Variants in ROBO2 observed in about 807,000 individuals in gnomAD.
ROBO2 encodes the protein roundabout guidance receptor 2.
A neutral mutation model predicts 160.8 loss-of-function variants in ROBO2; 53 were observed. The ratio of observed to expected loss-of-function variants is 0.33; its 90% CI spans 0.26 to 0.41. ROBO2 has a LOEUF of 0.41. ROBO2 is among the 10% of genes least tolerant of loss of function. The probability of loss-of-function intolerance (pLI) is 1.00; values close to 1 mark genes in which losing one functional copy is unlikely to be tolerated. For missense variants in ROBO2, 1,577 were observed against 1,722.4 expected, an observed-to-expected ratio of 0.92 and a Z score of 1.49; for synonymous variants, 664 against 611.7, an observed-to-expected ratio of 1.09 and a Z score of -1.26.
intron 2 of ROBO2, among the ~76,000 whole-genome samples, chr3:77,227,325 T>G (rs1029125107): frequency 1.3e-5 from 2 of 152,152 alleles, no homozygotes; most frequent in Non-Finnish European, 2.9e-5. Context: ...TATACAACTT[T>G]TTCATTTTGC....
chr3:76,658,344 T>TA (rs2091667953), intron 2 of ROBO2, among the ~76,000 whole-genome samples: 1 of 152,154 alleles, frequency 6.6e-6, no homozygotes, highest in South Asian at 2.1e-4. Flanking sequence ...TGCCTTTTTT[T>TA]TTATTATTAT....
exon 3 of ROBO2, chr3:77,477,457 G>A (rs1450904063): frequency 1.9e-6 from 3 of 1,613,764 alleles, no homozygotes; most frequent in Admixed American, 1.7e-5. Flanking sequence ...ATGTTGTAGT[G>A]GCAGCTGGAG....
At chr3:76,707,910 C>T (rs183562097) in intron 2 of ROBO2, among the ~76,000 whole-genome samples, 17 of 152,028 alleles carry the variant, frequency 1.1e-4, no homozygotes, top group Admixed American at 3.9e-4. Context: ...TCCAAAATTA[C>T]GAATCTTGAA....
intron 1 of ROBO2, among the ~76,000 whole-genome samples, chr3:77,087,236 G>A (rs1032370551): frequency 3.3e-5 from 5 of 151,952 alleles, no homozygotes; most frequent in African/African-American, 1.2e-4. Flanking sequence ...AAATGTCAAT[G>A]GTTTTTAGAA....
chr3:77,014,591 C>T (rs2062122609), intron 2 of ROBO2, among the ~76,000 whole-genome samples: 1 of 152,178 alleles, frequency 6.6e-6, no homozygotes, highest in African/African-American at 2.4e-5. Flanking sequence ...TCTCCTGCAG[C>T]TCTATTTAAA....
intron 2 of ROBO2, among the ~76,000 whole-genome samples, chr3:76,302,595 A>G (rs1473519407): frequency 6.6e-6 from 1 of 152,068 alleles, no homozygotes; most frequent in African/African-American, 2.4e-5. Flanking sequence ...TCTTAATACC[A>G]TATTTTTCCT....
exon 26 of ROBO2, chr3:77,649,648 C>CT (rs2095435533): frequency 6.6e-6 from 1 of 152,070 alleles, no homozygotes; most frequent in Admixed American, 6.6e-5. Context: ...AAACACCATA[C>CT]TTTTTTCTAA....
At chr3:76,437,512 A>G (rs1472007232) in intron 2 of ROBO2, among the ~76,000 whole-genome samples, 3 of 152,204 alleles carry the variant, frequency 2.0e-5, no homozygotes, top group Non-Finnish European at 2.9e-5. Flanking sequence ...GGTTCCTTCA[A>G]TTGAAATGTC....
chr3:77,407,686 G>T (rs544028278), intron 2 of ROBO2, among the ~76,000 whole-genome samples: 6 of 152,270 alleles, frequency 3.9e-5, no homozygotes, highest in Admixed American at 2.0e-4. Flanking sequence ...CTGGCTTGTT[G>T]CCTCCCAGGC....
rs770225982 is a variant in ROBO2, at chr3:76,326,415, C to CAT, written c.109+388821_109+388822dup. On this transcript the variant is annotated intron_variant, in intron 2 of 26. Transcript: ENST00000487694. ...AGATAAATGGATGAGTGTGTTTGTG[C>CAT]ATATATATACACACATACTAGTAAA... 1.5e-3 allele frequency among the ~76,000 whole-genome samples: 225 copies of CAT among 152,022 alleles called. 1 individual carries two copies. Among genetic ancestry groups the CAT allele is most frequent in the Non-Finnish European group, 7.4e-4 (50 of 67,978 alleles).
Position 76,559,667 on chromosome 3 carries a change from G to A in ROBO2, c.110-538347G>A, listed in dbSNP as rs188492823. Among the ~76,000 whole-genome samples, 99 of 152,136 alleles carry A rather than the reference G, an allele frequency of 6.5e-4. No homozygotes were observed. In the Middle Eastern group the frequency reaches 0.01, roughly 16 times the overall value. ...GATACTATAGTAATTCCTCCTATTCGAGGCCCAGTGACATGGGGCACCTGT... is the reference window on the plus strand; with the variant it reads ...GATACTATAGTAATTCCTCCTATTCAAGGCCCAGTGACATGGGGCACCTGT... On this transcript the variant is annotated intron_variant, in intron 2 of 26. Transcript: ENST00000487694.
At chr3:77,477,830 CTTTTTTT>C (rs11371687) in intron 3 of ROBO2, among the ~76,000 whole-genome samples, 1 of 84,472 alleles carries the variant, frequency 1.2e-5, no homozygotes, top group Non-Finnish European at 2.1e-5. Context: ...TATTTTAGCT[CTTTTTTT>C]TTTTTTTTTT....
intron 2 of ROBO2, among the ~76,000 whole-genome samples, chr3:77,256,752 A>T (rs771343240): frequency 2.6e-5 from 4 of 152,184 alleles, no homozygotes; most frequent in Non-Finnish European, 1.5e-5. Context: ...CTCTCGAGGA[A>T]CACCAAAACA....
At chr3:77,376,398 T>C (rs1417727310) in intron 2 of ROBO2, among the ~76,000 whole-genome samples, 1 of 152,006 alleles carries the variant, frequency 6.6e-6, no homozygotes, top group East Asian at 1.9e-4. Context: ...CCTCAAGTGA[T>C]CCACCCACCT....
chr3:77,515,976 T>C (rs1193562405), intron 5 of ROBO2, among the ~76,000 whole-genome samples: 2 of 151,680 alleles, frequency 1.3e-5, no homozygotes, highest in African/African-American at 4.8e-5. Context: ...TTCTTATTAT[T>C]GCATAATAAA....
At chr3:77,381,143 G>A (rs1003427829) in intron 2 of ROBO2, among the ~76,000 whole-genome samples, 2 of 152,084 alleles carry the variant, frequency 1.3e-5, no homozygotes, top group Non-Finnish European at 2.9e-5. Flanking sequence ...GTGAAACCCC[G>A]TCTCTACTAA....
chr3:77,529,408 T>C (rs1045321687), intron 6 of ROBO2, among the ~76,000 whole-genome samples: 1 of 151,702 alleles, frequency 6.6e-6, no homozygotes, highest in Non-Finnish European at 1.5e-5. Context: ...AGGTTGGTTT[T>C]GCATCGGCAG....
At chr3:76,349,039 A>T (rs1435677975) in intron 2 of ROBO2, among the ~76,000 whole-genome samples, 1 of 152,110 alleles carries the variant, frequency 6.6e-6, no homozygotes. Flanking sequence ...TCTAGTTCCT[A>T]GGGGCCTTCT....
At chr3:76,020,529 A>T (rs562540739) in intron 2 of ROBO2, among the ~76,000 whole-genome samples, 1 of 151,780 alleles carries the variant, frequency 6.6e-6, no homozygotes, top group African/African-American at 2.4e-5. Context: ...ATTTTAACAG[A>T]TTTGTTTACT....
Sources: allele counts gnomAD v4.1 joint callset (sites outside exome capture counted in the v4.1 genomes callset), GRCh38; gene constraint gnomAD v4.1.1; transcripts MANE v1.5; gene names NCBI Gene and HGNC (gene_info 2026-07-23, HGNC 2026-07-21).